DIS3L2: variants seen among roughly 807,000 people sequenced by gnomAD.
The protein encoded by DIS3L2 is DIS3 like 3'-5' exoribonuclease 2.
A neutral mutation model predicts 97.5 loss-of-function variants in DIS3L2; 34 were observed. That is an observed-to-expected ratio of 0.35 (90% CI 0.27 to 0.46). The LOEUF is 0.46. Among genes scored for constraint, DIS3L2 ranks in the 20% least tolerant of loss-of-function variants. The pLI, the probability that DIS3L2 is intolerant of heterozygous loss-of-function variation, is 1.00. For synonymous variants in DIS3L2, 435 were observed against 445.2 expected, an observed-to-expected ratio of 0.98 and a Z score of 0.29; for missense variants, 1,038 against 1,146.0, an observed-to-expected ratio of 0.91 and a Z score of 1.36.
At chr2:232,110,528 C>A (rs1454330420) in intron 6 of DIS3L2, among the ~76,000 whole-genome samples, 7 of 152,080 alleles carry the variant, frequency 4.6e-5, no homozygotes, top group Admixed American at 1.3e-4. Flanking sequence ...TAAAAAGGAA[C>A]AAAATGATGT....
intron 6 of DIS3L2, among the ~76,000 whole-genome samples, chr2:232,122,979 G>A (rs1697953624): frequency 6.6e-6 from 1 of 152,202 alleles, no homozygotes; most frequent in African/African-American, 2.4e-5. Flanking sequence ...TATCTGTCAT[G>A]CCTATGGATG....
chr2:232,337,087 C>A lies in DIS3L2; in HGVS notation c.*457C>A. On this transcript the variant is annotated 3_prime_UTR_variant, in exon 21 of 21. Transcript: ENST00000325385. ...CCTCGCTGCTGAGCCGATGTCAACA[C>A]CTGGAACTTTCCTGTCAGTTCCAAC... is the stretch of plus-strand genomic sequence containing the variant. 1 of 1,025,102 alleles carries A rather than the reference C, an allele frequency of 9.8e-7. No homozygotes were observed. The highest frequency in any genetic ancestry group is 1.2e-6 in the Non-Finnish European group (1 of 856,556). 63.5% of individuals were successfully genotyped at this position (1,025,102 alleles called of 1,614,324 possible).
intron 6 of DIS3L2, 46 bp downstream of exon 6, chr2:232,087,767 T>TCA: frequency 7.0e-7 from 1 of 1,419,694 alleles, no homozygotes; most frequent in Non-Finnish European, 9.8e-7. Flanking sequence ...GTACACTGAT[T>TCA]AAGTATTGGA....
chr2:231,984,710 C>T (rs565961524), intron 1 of DIS3L2, among the ~76,000 whole-genome samples: 1 of 152,084 alleles, frequency 6.6e-6, no homozygotes, highest in Non-Finnish European at 1.5e-5. Flanking sequence ...ACTTCTATCT[C>T]CCAGGTTCAA....
At chr2:231,994,576 A>AT (rs951304058) in intron 1 of DIS3L2, among the ~76,000 whole-genome samples, 1 of 152,124 alleles carries the variant, frequency 6.6e-6, no homozygotes, top group African/African-American at 2.4e-5. Flanking sequence ...TCCCTGCTTT[A>AT]TAGTTACATA....
At chr2:232,166,339 C>CAT (rs1413259449) in intron 9 of DIS3L2, among the ~76,000 whole-genome samples, 3 of 147,922 alleles carry the variant, frequency 2.0e-5, no homozygotes, top group African/African-American at 7.9e-5. Context: ...CACACACACA[C>CAT]GCGTGCGCGC....
chr2:232,329,785 T>TCCCCGGGGGCA, intron 14 of DIS3L2, 28 bp from the exon 15 acceptor site: 1 of 967,144 alleles, frequency 1.0e-6, no homozygotes, highest in Non-Finnish European at 1.5e-6. Flanking sequence ...ACCCCAGCGG[T>TCCCCGGGGGCA]CCCTCCCATC....
intron 12 of DIS3L2, among the ~76,000 whole-genome samples, chr2:232,251,561 G>T (rs927720694): frequency 6.6e-6 from 1 of 152,158 alleles, no homozygotes; most frequent in Non-Finnish European, 1.5e-5. Flanking sequence ...ATAATTTTAG[G>T]AAATGCCCCA....
In DIS3L2 at chr2:232,024,285, G is replaced by T; in HGVS notation, c.219G>T (p.Leu73Phe). Residue 73 changes from leucine to phenylalanine, a missense_variant, in exon 4 of 21, where the codon TTG (leucine) becomes TTT (phenylalanine). Transcript: ENST00000325385. Reference protein sequence around the residue: ...LKRGTLIQGVLRINPKKFHEA... With the variant: ...LKRGTLIQGVFRINPKKFHEA... ...TATTTTTTGTTTTAAAGGGTGTATT[G>T]AGAATTAATCCAAAGAAGTTTCATG... 6.2e-7 allele frequency: 1 copy of T among 1,601,762 alleles called. No individual in the cohort carries two copies. The highest frequency in any genetic ancestry group is 1.1e-5 in the South Asian group (1 of 87,430).
rs905904565 is a variant in DIS3L2, at chr2:232,254,795, G to C, written c.1425+5449G>C. Among the ~76,000 whole-genome samples the C allele has an allele frequency of 2.6e-5, 4 of 152,252 alleles. No individual in the cohort carries two copies. The South Asian group carries it at 8.3e-4, about 32-fold the overall frequency. On this transcript the variant is annotated intron_variant, in intron 12 of 20. Coordinates refer to ENST00000325385, the MANE Select transcript of DIS3L2 (RefSeq NM_152383.5). The stretch of plus-strand genomic sequence containing the variant: ...CCCAGGCCACTGGCATTAGGGACTA[G>C]AGAGCAGGTGTGAAGTAGGCACAGG...
intron 19 of DIS3L2, chr2:232,335,390 T>G (rs980655430): frequency 1.3e-5 from 3 of 238,782 alleles, no homozygotes; most frequent in African/African-American, 6.8e-5. Context: ...CTCTGTATCC[T>G]GAAGTTCAAG....
At chr2:232,277,095 G>A (rs992499368) in intron 13 of DIS3L2, among the ~76,000 whole-genome samples, 2 of 152,206 alleles carry the variant, frequency 1.3e-5, no homozygotes, top group Non-Finnish European at 2.9e-5. Context: ...TAAATGCAAG[G>A]CAGAGTGAGC....
intron 6 of DIS3L2, among the ~76,000 whole-genome samples, chr2:232,118,124 A>G (rs757744847): frequency 2.0e-5 from 3 of 152,170 alleles, no homozygotes; most frequent in Non-Finnish European, 4.4e-5. Flanking sequence ...TGCCTGCTCC[A>G]TGGGCCTCTC....
intron 1 of DIS3L2, among the ~76,000 whole-genome samples, chr2:231,981,614 A>T (rs1242137659): frequency 1.4e-5 from 2 of 141,408 alleles, no homozygotes; most frequent in African/African-American, 5.1e-5. Flanking sequence ...ATATATATAT[A>T]TATATATATA....
At chr2:232,254,022 G>T (rs1251538056) in intron 12 of DIS3L2, among the ~76,000 whole-genome samples, 1 of 152,126 alleles carries the variant, frequency 6.6e-6, no homozygotes, top group Non-Finnish European at 1.5e-5. Context: ...CCACAGACAT[G>T]TCATTTCGCT....
At chr2:232,261,884 G>A (rs1034562190) in intron 12 of DIS3L2, among the ~76,000 whole-genome samples, 2 of 152,164 alleles carry the variant, frequency 1.3e-5, no homozygotes, top group Non-Finnish European at 2.9e-5. Flanking sequence ...ATTTCTCTAT[G>A]TCTTAGTTTC....
chr2:232,324,756 G>A (rs931504295), intron 14 of DIS3L2, among the ~76,000 whole-genome samples: 1 of 152,216 alleles, frequency 6.6e-6, no homozygotes, highest in African/African-American at 2.4e-5. Context: ...CATAAGATGT[G>A]TAATAATAAT....
At chr2:232,251,715 A>G (rs897198278) in intron 12 of DIS3L2, among the ~76,000 whole-genome samples, 9 of 152,370 alleles carry the variant, frequency 5.9e-5, no homozygotes, top group African/African-American at 2.2e-4. Flanking sequence ...GGAAATCAGA[A>G]TAACTTCAGA....
intron 14 of DIS3L2, among the ~76,000 whole-genome samples, chr2:232,326,031 G>C (rs751570932): frequency 8.5e-5 from 13 of 152,162 alleles, no homozygotes; most frequent in Non-Finnish European, 1.9e-4. Context: ...CGGAGGTTTG[G>C]CTGCCTAGGC....
Sources: allele counts gnomAD v4.1 joint callset (sites outside exome capture counted in the v4.1 genomes callset), GRCh38; gene constraint gnomAD v4.1.1; transcripts MANE v1.5; gene names NCBI Gene and HGNC (gene_info 2026-07-23, HGNC 2026-07-21).